LUZP2: variants seen among roughly 807,000 people sequenced by gnomAD.
LUZP2 encodes leucine zipper protein 2.
In LUZP2, 52 loss-of-function variants were observed where a neutral mutation model predicts 51.6. The observed-to-expected ratio is 1.01, with a 90% confidence interval of 0.81 to 1.27. The LOEUF (loss-of-function observed/expected upper bound fraction) is 1.27. Among genes scored for constraint, LUZP2 ranks in the 50% most tolerant of loss-of-function variants. The pLI is 0.00. For synonymous variants in LUZP2, 154 were observed against 137.3 expected (o/e 1.12, Z -0.85); for missense variants, 436 against 395.4 (o/e 1.10, Z -0.87).
At chr11:24,824,542 A>G (rs547105750) in intron 5 of LUZP2, among the ~76,000 whole-genome samples, 1 of 151,900 alleles carries the variant, frequency 6.6e-6, no homozygotes, top group Non-Finnish European at 1.5e-5. Context: ...GCTAAGAAGT[A>G]AGTCACAAAA....
rs935165077 is a variant in LUZP2 at position 24,773,258 on chromosome 11, A to G, written c.396+9950A>G. 5.3e-5 allele frequency among the ~76,000 whole-genome samples: 8 copies of G among 152,214 alleles called. No individual in the cohort carries two copies. In the South Asian group the frequency reaches 6.2e-4, roughly 12 times the overall value. On this transcript the variant is annotated intron_variant, in intron 5 of 11. Transcript: ENST00000336930. ...CAACATTGTGCTAGATTCCAGAGGC[A>G]TACAAGTATTATTAAAATCAAATTA...
intron 1 of LUZP2, among the ~76,000 whole-genome samples, chr11:24,539,287 T>A (rs1293279654): frequency 1.3e-5 from 2 of 152,094 alleles, no homozygotes; most frequent in East Asian, 3.9e-4. Context: ...AGAATAAAGC[T>A]TTAATGGTGC....
chr11:25,036,353 T>C (rs1197434845), intron 9 of LUZP2, among the ~76,000 whole-genome samples: 1 of 152,060 alleles, frequency 6.6e-6, no homozygotes, highest in Non-Finnish European at 1.5e-5. Context: ...TATTGCAATC[T>C]TCTCTTTCTT....
chr11:24,874,131 T>G (rs1852171948), intron 5 of LUZP2, among the ~76,000 whole-genome samples: 1 of 152,198 alleles, frequency 6.6e-6, no homozygotes, highest in Admixed American at 6.6e-5. Flanking sequence ...AAGACTCACC[T>G]GGGAACAATG....
chr11:24,668,047 A>C (rs1168978106), intron 1 of LUZP2, among the ~76,000 whole-genome samples: 1 of 152,238 alleles, frequency 6.6e-6, no homozygotes, highest in East Asian at 1.9e-4. Context: ...TAAAGACTAT[A>C]GCAGACTGGA....
intron 1 of LUZP2, among the ~76,000 whole-genome samples, chr11:24,673,759 T>C (rs1169314563): frequency 2.0e-5 from 3 of 152,190 alleles, no homozygotes; most frequent in African/African-American, 7.2e-5. Flanking sequence ...ATGTCCCCTG[T>C]AGGGCAAAAT....
intron 4 of LUZP2, among the ~76,000 whole-genome samples, chr11:24,745,239 A>T (rs950159289): frequency 6.6e-6 from 1 of 152,188 alleles, no homozygotes; most frequent in Non-Finnish European, 1.5e-5. Context: ...GTTCCAAGGT[A>T]TAGTTTAAAT....
At chr11:25,044,853 T>A (rs1214825842) in intron 9 of LUZP2, among the ~76,000 whole-genome samples, 2 of 151,850 alleles carry the variant, frequency 1.3e-5, no homozygotes, top group Admixed American at 1.3e-4. Flanking sequence ...ATGTGGCACA[T>A]ATACACCACG....
At chr11:24,924,314 G>C (rs1469802523) in intron 7 of LUZP2, among the ~76,000 whole-genome samples, 2 of 152,064 alleles carry the variant, frequency 1.3e-5, no homozygotes, top group Non-Finnish European at 2.9e-5. Flanking sequence ...CTGACCTCAG[G>C]TGATCTGCCC....
intron 1 of LUZP2, among the ~76,000 whole-genome samples, chr11:24,585,963 A>AT (rs1325967045): frequency 2.6e-5 from 4 of 152,138 alleles, no homozygotes; most frequent in Admixed American, 6.6e-5. Flanking sequence ...TTATAAATGC[A>AT]TTTTTTGTAT....
At chr11:25,046,382 T>C (rs955760128) in intron 9 of LUZP2, among the ~76,000 whole-genome samples, 2 of 152,146 alleles carry the variant, frequency 1.3e-5, no homozygotes, top group South Asian at 2.1e-4. Flanking sequence ...ATAATAAATA[T>C]TTGTTTATTC....
At chr11:24,706,156 T>C (rs1353593053) in intron 1 of LUZP2, among the ~76,000 whole-genome samples, 2 of 152,192 alleles carry the variant, frequency 1.3e-5, no homozygotes, top group African/African-American at 4.8e-5. Flanking sequence ...TCGAAGCTGA[T>C]GCCTCCATTT....
chr11:24,580,397 C>T (rs1186480504), intron 1 of LUZP2, among the ~76,000 whole-genome samples: 2 of 152,048 alleles, frequency 1.3e-5, no homozygotes, highest in East Asian at 3.9e-4. Context: ...TTCTCTGTTG[C>T]TGTCCCATCA....
intron 4 of LUZP2, among the ~76,000 whole-genome samples, chr11:24,760,968 C>A (rs1326291060): frequency 1.3e-5 from 2 of 152,190 alleles, no homozygotes; most frequent in Non-Finnish European, 2.9e-5. Context: ...CAGCTGAGAA[C>A]TAGCCAGTTT....
At chr11:24,946,222 A>G (rs1313647884) in intron 7 of LUZP2, among the ~76,000 whole-genome samples, 2 of 152,074 alleles carry the variant, frequency 1.3e-5, no homozygotes, top group East Asian at 3.8e-4. Context: ...GAATATGGAC[A>G]TTAGCTTGCC....
At position 24,732,189 on chromosome 11, in the gene LUZP2, G is replaced by T; in HGVS notation, c.251+1G>T. 1 of 1,598,854 alleles carries T rather than the reference G, an allele frequency of 6.3e-7. No individual in the cohort carries two copies. Among genetic ancestry groups the T allele is most frequent in the Non-Finnish European group, 8.5e-7 (1 of 1,172,116 alleles). ...TTCTGGAATTAGGACAGAAACAAAG[G>T]TAAGACTTTTCTTTTTTTCTTAGTT... is the stretch of plus-strand genomic sequence containing the variant. On this transcript the variant is annotated splice_donor_variant, in intron 3 of 11. Transcript: ENST00000336930. LOFTEE classifies it high-confidence loss of function.
rs1487474584 is a variant in LUZP2 at position 25,079,726 on chromosome 11, G to T, written c.*1068G>T. ...TTATCTGATTAATAGGTTTCATAGG[G>T]CATTCAAAGTTGCAGACTCAGTTAA... is the stretch of plus-strand genomic sequence containing the variant. On this transcript the variant is annotated 3_prime_UTR_variant, in exon 12 of 12. Coordinates refer to ENST00000336930, the MANE Select transcript of LUZP2 (RefSeq NM_001009909.4). 2 of 152,124 alleles carry T rather than the reference G, an allele frequency of 1.3e-5. No individual in the cohort carries two copies. The highest frequency in any genetic ancestry group is 4.8e-5 in the African/African-American group (2 of 41,432). The allele number at this position is 152,124 out of a possible 1,614,324, so 9.4% of individuals were successfully genotyped here. A position where few individuals can be genotyped will look rare whatever the true frequency, so the allele number is the denominator to read the frequency against.
chr11:25,014,458 G>A (rs1443323698), intron 9 of LUZP2, among the ~76,000 whole-genome samples: 2 of 152,230 alleles, frequency 1.3e-5, no homozygotes, highest in East Asian at 1.9e-4. Context: ...GGTGTGAGAT[G>A]GTATCTCATT....
At chr11:24,898,429 CCTGA>C (rs1853156237) in intron 5 of LUZP2, among the ~76,000 whole-genome samples, 1 of 152,126 alleles carries the variant, frequency 6.6e-6, no homozygotes, top group Non-Finnish European at 1.5e-5. Flanking sequence ...TCAAGACCAT[CCTGA>C]CTAACACGGT....
Sources: allele counts gnomAD v4.1 joint callset (sites outside exome capture counted in the v4.1 genomes callset), GRCh38; gene constraint gnomAD v4.1.1; transcripts MANE v1.5; gene names NCBI Gene and HGNC (gene_info 2026-07-23, HGNC 2026-07-21).